Variants in PDE10A observed in about 807,000 individuals in gnomAD.
The protein encoded by PDE10A is phosphodiesterase 10A, also known as cAMP and cAMP-inhibited cGMP 3',5'-cyclic phosphodiesterase 10A.
A neutral mutation model predicts 97.7 loss-of-function variants in PDE10A; 39 were observed. The observed-to-expected ratio is 0.40, with a 90% CI of 0.31 to 0.52. The LOEUF (loss-of-function observed/expected upper bound fraction) is 0.52, where lower values mean the gene tolerates loss of function less well. Among genes scored for constraint, PDE10A ranks in the 20% least tolerant of loss-of-function variants. PDE10A has a pLI of 0.56. For missense variants in PDE10A, 731 were observed against 1,047.8 expected, an observed-to-expected ratio of 0.70 and a Z score of 4.17; for synonymous variants, 371 against 376.8, an observed-to-expected ratio of 0.98 and a Z score of 0.18.
chr6:165,637,416 G>A (rs987308940), intron 1 of PDE10A, among the ~76,000 whole-genome samples: 2 of 152,154 alleles, frequency 1.3e-5, no homozygotes, highest in South Asian at 2.1e-4. Context: ...TGTCCTTAAC[G>A]TGCAAGGTTT....
chr6:165,825,145 CAAAA>C (rs1199061190), intron 1 of PDE10A, among the ~76,000 whole-genome samples: 1 of 50,902 alleles, frequency 2.0e-5, no homozygotes, highest in Non-Finnish European at 4.0e-5. Context: ...GACTCCATCT[CAAAA>C]AAAAAAAAAA....
At chr6:165,839,715 T>TCATCTGCATCTC (rs373146265) in intron 1 of PDE10A, among the ~76,000 whole-genome samples, 1 of 45,448 alleles carries the variant, frequency 2.2e-5, no homozygotes, top group Non-Finnish European at 4.9e-5. Flanking sequence ...ATCTTCATCC[T>TCATCTGCATCTC]CATCTCCATC....
intron 1 of PDE10A, among the ~76,000 whole-genome samples, chr6:165,891,269 TGTAA>T (rs1562785019): frequency 6.6e-6 from 1 of 152,012 alleles, no homozygotes; most frequent in Non-Finnish European, 1.5e-5. Flanking sequence ...TGCTGGCTCA[TGTAA>T]TGGTTAAGTT....
At chr6:165,790,648 G>A (rs1778621344) in intron 1 of PDE10A, among the ~76,000 whole-genome samples, 1 of 152,002 alleles carries the variant, frequency 6.6e-6, no homozygotes, top group Admixed American at 6.6e-5. Flanking sequence ...GTTTCCTAAT[G>A]GGCTGTGTTG....
chr6:165,812,026 G>T (rs1274505793), intron 1 of PDE10A, among the ~76,000 whole-genome samples: 1 of 152,040 alleles, frequency 6.6e-6, no homozygotes, highest in Non-Finnish European at 1.5e-5. Context: ...TTAATTATTT[G>T]TATTTTTAAT....
At chr6:165,512,202 T>G (rs984066596) in intron 2 of PDE10A, among the ~76,000 whole-genome samples, 8 of 152,040 alleles carry the variant, frequency 5.3e-5, no homozygotes, top group African/African-American at 1.9e-4. Context: ...CCAGTGAGTT[T>G]TATACTTTTA....
intron 1 of PDE10A, among the ~76,000 whole-genome samples, chr6:165,737,019 TTA>T (rs1263299539): frequency 2.0e-5 from 3 of 152,182 alleles, no homozygotes; most frequent in African/African-American, 7.2e-5. Flanking sequence ...ACTATTAAAA[TTA>T]TATGTCAATA....
chr6:165,857,737 G>GTGTGTGTA (rs397518282), intron 1 of PDE10A, among the ~76,000 whole-genome samples: 10 of 74,816 alleles, frequency 1.3e-4, no homozygotes, highest in African/African-American at 3.1e-4. Context: ...GTGTGTGTGT[G>GTGTGTGTA]AAGAATGATT....
chr6:165,916,280 C>T (rs1782601659), intron 1 of PDE10A, among the ~76,000 whole-genome samples: 1 of 152,226 alleles, frequency 6.6e-6, no homozygotes, highest in South Asian at 2.1e-4. Context: ...CATGAAACTT[C>T]ATGACCTAAT....
In PDE10A at chr6:165,515,540, T is replaced by C. The variant is rs1351928960; in HGVS notation, c.994+27900A>G. Among the ~76,000 whole-genome samples the C allele has an allele frequency of 9.3e-5, 14 of 149,870 alleles. No homozygotes were observed. The East Asian group carries it at 2.3e-3, about 25-fold the overall frequency. On this transcript the variant is annotated intron_variant, in intron 2 of 21. Transcript: ENST00000539869. ...CTTTTGTTCTTTTTTTTTTTTTTTT[T>C]TGAGATGGAGTCTCACTCTGTCACA...
chr6:165,951,099 C>A (rs1289337252), intron 1 of PDE10A, among the ~76,000 whole-genome samples: 8 of 152,180 alleles, frequency 5.3e-5, no homozygotes, highest in Non-Finnish European at 8.8e-5. Context: ...AGGTCTTTCT[C>A]AAGGTTGAAA....
intron 1 of PDE10A, among the ~76,000 whole-genome samples, chr6:165,552,400 A>G (rs1055104682): frequency 6.6e-6 from 1 of 152,230 alleles, no homozygotes; most frequent in Non-Finnish European, 1.5e-5. Flanking sequence ...TCAACAGTTA[A>G]CTAAAGACCA....
At chr6:165,717,957 G>A (rs1047320313) in intron 1 of PDE10A, among the ~76,000 whole-genome samples, 7 of 152,156 alleles carry the variant, frequency 4.6e-5, no homozygotes, top group East Asian at 1.9e-4. Flanking sequence ...TTTTGTGGTC[G>A]TTGAGTTGCA....
intron 7 of PDE10A, among the ~76,000 whole-genome samples, 194 bp from the exon 8 acceptor site, chr6:165,431,666 C>T (rs1020617891): frequency 2.0e-5 from 3 of 149,326 alleles, no homozygotes; most frequent in Non-Finnish European, 4.4e-5. Flanking sequence ...GTCATCTCAA[C>T]AAAGGACTCG....
At position 165,546,511 on chromosome 6, in the gene PDE10A, G is replaced by A. The variant is rs141649548; in HGVS notation, c.866-2943C>T. ...ATGTATTACACATGTAATATAAAAC[G>A]TATAAAACAACCTCCCTGAAGCGGG... On this transcript the variant is annotated intron_variant, in intron 1 of 21. Coordinates refer to ENST00000539869, the MANE Select transcript of PDE10A (RefSeq NM_001385079.1). 2.0e-3 allele frequency among the ~76,000 whole-genome samples: 307 copies of A among 152,158 alleles called. 2 individuals are homozygous for A. The highest frequency in any genetic ancestry group is 7.0e-3 in the African/African-American group (290 of 41,546).
At position 165,388,507 on chromosome 6, in the gene PDE10A, C is replaced by G; in HGVS notation, c.2455-54G>C. On this transcript the variant is annotated intron_variant, in intron 16 of 21. Transcript: ENST00000539869. The surrounding 1 kb of genome is among the most constrained non-coding windows in gnomAD (Gnocchi z 4.0). The stretch of plus-strand genomic sequence containing the variant: ...CTCAAAACACAGAAACACACATGAG[C>G]AGACTTACCGCTTACATTCATGTCA... The G allele has an allele frequency of 6.6e-7, 1 of 1,511,702 alleles. No individual in the cohort carries two copies. Among genetic ancestry groups the G allele is most frequent in the Non-Finnish European group, 9.2e-7 (1 of 1,090,938 alleles). The allele number at this position is 1,511,702 out of a possible 1,614,324, so 93.6% of individuals were successfully genotyped here. A position where few individuals can be genotyped will look rare whatever the true frequency, so the allele number is the denominator to read the frequency against.
At chr6:165,875,925 TG>T (rs1281960615) in intron 1 of PDE10A, among the ~76,000 whole-genome samples, 1 of 152,212 alleles carries the variant, frequency 6.6e-6, no homozygotes, top group Non-Finnish European at 1.5e-5. Flanking sequence ...ATGATATTCC[TG>T]ATAAAAAGCC....
At chr6:165,735,809 T>C (rs931987429) in intron 1 of PDE10A, among the ~76,000 whole-genome samples, 3 of 152,210 alleles carry the variant, frequency 2.0e-5, no homozygotes, top group African/African-American at 7.2e-5. Flanking sequence ...TGGAACCAAA[T>C]ATCTGGGCAT....
intron 2 of PDE10A, 36 bp downstream of exon 2, chr6:165,543,404 A>C (rs558294120): frequency 5.7e-6 from 9 of 1,583,720 alleles, no homozygotes; most frequent in Admixed American, 3.8e-5. Context: ...AAGATAGAAA[A>C]AGCTGGTTTA....
Sources: gnomAD v4.1 joint callset for allele counts (sites outside exome capture counted in the v4.1 genomes callset) on GRCh38, gnomAD v4.1.1 for gene constraint, Gnocchi (gnomAD v3.1) non-coding constraint, MANE v1.5 for transcripts, NCBI Gene and HGNC (gene_info 2026-07-23, HGNC 2026-07-21) for gene names.